The following TP53BP2 variants were observed in gnomAD, a reference collection of about 807,000 sequenced individuals.
TP53BP2 encodes apoptosis-stimulating of p53 protein 2.
TP53BP2 carries 62 observed loss-of-function variants against 126.2 expected under a neutral mutation model. The observed-to-expected ratio is 0.49, with a 90% CI of 0.40 to 0.61. The LOEUF (loss-of-function observed/expected upper bound fraction) is 0.61. Ranked by LOEUF, TP53BP2 falls within the 20% of genes least tolerant of loss-of-function variation. The pLI is 0.00. For synonymous variants in TP53BP2, 485 were observed against 502.9 expected (o/e 0.96, Z 0.48); for missense variants, 1,215 against 1,402.8 (o/e 0.87, Z 2.14).
In TP53BP2 at chr1:223,837,155, A is replaced by AGGG. The variant is rs139243545; in HGVS notation, c.27+8496_27+8498dup. On this transcript the variant is annotated intron_variant, in intron 1 of 17. Coordinates refer to ENST00000343537, the MANE Select transcript of TP53BP2 (RefSeq NM_001031685.3). ...CTATTGTTTTAAAATTAAAAAAAAA[A>AGGG]GGGGGGGGGCGGGGGGTCAAGGAAC... 6.9e-3 allele frequency among the ~76,000 whole-genome samples: 526 copies of AGGG among 76,400 alleles called. 7 individuals are homozygous for AGGG. The highest frequency in any genetic ancestry group is 0.019 in the Middle Eastern group (3 of 160). The allele number at this position is 76,400 out of a possible 152,430, so 50.1% of individuals were successfully genotyped here.
chr1:223,808,586 A>G (rs1662803964), intron 4 of TP53BP2, among the ~76,000 whole-genome samples: 1 of 151,930 alleles, frequency 6.6e-6, no homozygotes, highest in South Asian at 2.1e-4. Context: ...CCATATGCAA[A>G]CATTAACTCA....
intron 1 of TP53BP2, among the ~76,000 whole-genome samples, chr1:223,831,480 A>AAAAAATATATATAT (rs1287271743): frequency 3.1e-5 from 1 of 32,464 alleles, no homozygotes; most frequent in Non-Finnish European, 6.5e-5. Context: ...AAAAAAAAAA[A>AAAAAATATATATAT]ATATATATAT....
intron 1 of TP53BP2, among the ~76,000 whole-genome samples, chr1:223,832,880 C>T (rs574157776): frequency 2.6e-5 from 4 of 152,330 alleles, no homozygotes; most frequent in Admixed American, 6.5e-5. Flanking sequence ...ACTACCCCAG[C>T]TTGAGCTTGA....
At chr1:223,781,593 GA>G (rs1661779603) in intron 17 of TP53BP2, among the ~76,000 whole-genome samples, 1 of 152,102 alleles carries the variant, frequency 6.6e-6, no homozygotes, top group Non-Finnish European at 1.5e-5. Flanking sequence ...ATTACTCAAA[GA>G]AAGTAGAAGC....
intron 1 of TP53BP2, among the ~76,000 whole-genome samples, chr1:223,831,954 G>A (rs899984362): frequency 1.3e-5 from 2 of 152,000 alleles, no homozygotes; most frequent in South Asian, 2.1e-4. Flanking sequence ...TGTATGTACT[G>A]TAACTATGAT....
intron 1 of TP53BP2, among the ~76,000 whole-genome samples, chr1:223,823,599 G>A (rs928162077): frequency 3.3e-5 from 5 of 152,158 alleles, no homozygotes; most frequent in African/African-American, 1.2e-4. Flanking sequence ...ACTACATAAA[G>A]GTACACAGTT....
intron 1 of TP53BP2, 151 bp from the exon 2 acceptor site, chr1:223,821,518 G>A: frequency 9.6e-7 from 1 of 1,044,318 alleles, no homozygotes; most frequent in Non-Finnish European, 1.5e-6. Context: ...GTGAGGTGTG[G>A]ACTGGGGGTT....
chr1:223,841,477 C>T (rs993643312), intron 1 of TP53BP2, among the ~76,000 whole-genome samples: 2 of 152,084 alleles, frequency 1.3e-5, no homozygotes, highest in Non-Finnish European at 2.9e-5. Context: ...ATAAAATGTT[C>T]CAAATACATA....
chr1:223,813,355 C>G (rs1417597382), intron 3 of TP53BP2, among the ~76,000 whole-genome samples: 1 of 152,200 alleles, frequency 6.6e-6, no homozygotes, highest in East Asian at 1.9e-4. Context: ...CCGAAATTTT[C>G]AATTCAAACC....
rs369367763 is a variant in TP53BP2 at position 223,784,067 on chromosome 1, C to A, written c.3363+48G>T. The A allele has an allele frequency of 1.9e-6, 3 of 1,558,372 alleles. No individual in the cohort carries two copies. In the East Asian group the frequency reaches 6.7e-5, roughly 35 times the overall value. ...ATAACATACAGCAGTTTTTACAAAG[C>A]CCCTCTCTGGCACATATGAAAACAC... On this transcript the variant is annotated intron_variant, in intron 17 of 17. Coordinates refer to ENST00000343537, the MANE Select transcript of TP53BP2 (RefSeq NM_001031685.3).
In TP53BP2 at chr1:223,802,158, T is replaced by A; in HGVS notation, c.1183A>T (p.Thr395Ser). The change falls in exon 9 of 18, where the codon ACA (threonine) becomes TCA (serine). Residue 395 changes from threonine (T) to serine (S), a missense_variant. Transcript: ENST00000343537. ...GCCCCAGATCTCATGTTGGGCAGTGTCTGTATTTTCATCGGCCCCTCTGAA... is the reference window on the plus strand; with the variant it reads ...GCCCCAGATCTCATGTTGGGCAGTGACTGTATTTTCATCGGCCCCTCTGAA... ...QASEGPMKIQ[T>S]LPNMRSGAAS... is the part of the protein sequence containing the mutation. 1 of 1,614,164 alleles carries A rather than the reference T, an allele frequency of 6.2e-7. No individual in the cohort carries two copies. The highest frequency in any genetic ancestry group is 2.2e-5 in the East Asian group (1 of 44,884).
At chr1:223,789,611 G>A (rs190360294) in intron 15 of TP53BP2, among the ~76,000 whole-genome samples, 33 of 152,066 alleles carry the variant, frequency 2.2e-4, no homozygotes, top group African/African-American at 6.3e-4. Context: ...TCTATTTATC[G>A]TCATCAATTT....
In TP53BP2 at chr1:223,780,847, G is replaced by T; in HGVS notation, c.*6C>A. On this transcript the variant is annotated 3_prime_UTR_variant, in exon 18 of 18. Coordinates refer to ENST00000343537, the MANE Select transcript of TP53BP2 (RefSeq NM_001031685.3). ...TCTTCATTGACTAAAATTCTGTGTG[G>T]AAGTTTCAGGCCAAGCTCCTTTGTC... 2 of 1,613,258 alleles carry T rather than the reference G, an allele frequency of 1.2e-6. No homozygotes were observed. The highest frequency in any genetic ancestry group is 2.2e-5 in the South Asian group (2 of 90,792).
chr1:223,838,130 A>C (rs1431576935), intron 1 of TP53BP2, among the ~76,000 whole-genome samples: 1 of 151,880 alleles, frequency 6.6e-6, no homozygotes, highest in Non-Finnish European at 1.5e-5. Context: ...CCCTTCTTAA[A>C]TCCCATTTAA....
chr1:223,814,203 C>T, intron 3 of TP53BP2, 37 bp downstream of exon 3: 1 of 1,497,168 alleles, frequency 6.7e-7, no homozygotes, highest in Non-Finnish European at 9.3e-7. Flanking sequence ...AAAATAAAAG[C>T]TTAAATATCT....
At chr1:223,810,650 A>T (rs1662880017) in intron 3 of TP53BP2, 137 bp from the exon 4 acceptor site, 3 of 658,858 alleles carry the variant, frequency 4.6e-6, no homozygotes, top group Non-Finnish European at 7.5e-6. Flanking sequence ...ATTTTCTAAT[A>T]GCAATGGACT....
At chr1:223,780,940 G>A in intron 17 of TP53BP2, 46 bp from the exon 18 acceptor site, 1 of 1,545,646 alleles carries the variant, frequency 6.5e-7, no homozygotes, top group Non-Finnish European at 8.9e-7. Flanking sequence ...TAGATGTGTG[G>A]GAATATAACA....
chr1:223,829,734 CA>C (rs541890457), intron 1 of TP53BP2, among the ~76,000 whole-genome samples: 1,117 of 101,402 alleles, frequency 0.011, 11 homozygotes, highest in African/African-American at 0.026. Flanking sequence ...ATAATCAGGT[CA>C]AAAAAAAAAA....
At position 223,845,785 on chromosome 1, in the gene TP53BP2, A is replaced by AGGCGGC. The variant is rs914921250; in HGVS notation, c.-111_-106dup. 51 of 1,149,944 alleles carry AGGCGGC rather than the reference A, an allele frequency of 4.4e-5. No individual in the cohort carries two copies. Among genetic ancestry groups the AGGCGGC allele is most frequent in the Non-Finnish European group, 5.5e-5 (50 of 914,546 alleles). The allele number at this position is 1,149,944 out of a possible 1,614,324, so 71.2% of individuals were successfully genotyped here. On this transcript the variant is annotated 5_prime_UTR_variant, in exon 1 of 18. Transcript: ENST00000343537. Reference sequence around the variant, plus strand: ...AGCGAGGCCGCCCGGACCTGTTGCGAGGCGGCGGCGGCGGCAGCGGCGGCG... The same window carrying AGGCGGC: ...AGCGAGGCCGCCCGGACCTGTTGCGAGGCGGCGGCGGCGGCGGCGGCAGCGGCGGCG...
Sources: allele counts gnomAD v4.1 joint callset (sites outside exome capture counted in the v4.1 genomes callset), GRCh38; gene constraint gnomAD v4.1.1; transcripts MANE v1.5; gene names NCBI Gene and HGNC (gene_info 2026-07-23, HGNC 2026-07-21).